The following FCN2 variants were observed in gnomAD, a reference collection of about 807,000 sequenced individuals.
FCN2 encodes the protein ficolin-2.
Under a neutral mutation model 32.5 loss-of-function variants are expected in FCN2, and 31 were observed. That is an observed-to-expected ratio of 0.96 (90% CI 0.72 to 1.29). The LOEUF (loss-of-function observed/expected upper bound fraction) is 1.29. Ranked by LOEUF, FCN2 falls within the 50% of genes most tolerant of loss-of-function variation. FCN2 has a pLI of 0.00. For missense variants in FCN2, 412 were observed against 406.5 expected (o/e 1.01, Z -0.12); for synonymous variants, 181 against 164.5 (o/e 1.10, Z -0.77).
At chr9:134,882,204 G>GCTCA (rs1830673909) in intron 1 of FCN2, among the ~76,000 whole-genome samples, 1 of 152,192 alleles carries the variant, frequency 6.6e-6, no homozygotes, top group Non-Finnish European at 1.5e-5. Flanking sequence ...AGGGGTTAAG[G>GCTCA]GACTTGTTTC....
At chr9:134,870,242 C>T in the FCN2 span, among the ~76,000 whole-genome samples, 12 of 152,312 alleles carry the variant, frequency 7.9e-5, no homozygotes, top group Middle Eastern at 0.01. This position sits in a 1 kb window ranked among gnomAD's most constrained non-coding sequence, Gnocchi z 4.3. Context: ...CAGGCCATTG[C>T]CCCCCGAGGC....
Position 134,886,288 on chromosome 9 carries a change from G to A in FCN2, c.560-142G>A, listed in dbSNP as rs1038058689. 4 of 967,212 alleles carry A rather than the reference G, an allele frequency of 4.1e-6. No individual in the cohort carries two copies. The Admixed American group carries it at 5.4e-5, about 13-fold the overall frequency. The allele number at this position is 967,212 out of a possible 1,614,324, so 59.9% of individuals were successfully genotyped here. The stretch of plus-strand genomic sequence containing the variant: ...CACCCTGCCGGGTCAGAGCTACACA[G>A]GCCCCGGGGATGCTGCGGTGCTCTC... On this transcript the variant is annotated intron_variant, in intron 6 of 7. Coordinates refer to ENST00000291744, the MANE Select transcript of FCN2 (RefSeq NM_004108.3).
In FCN2 at chr9:134,887,441, G is replaced by A. The variant is rs1371495109; in HGVS notation, c.*26G>A. The A allele has an allele frequency of 6.8e-6, 11 of 1,611,648 alleles. No individual in the cohort carries two copies. The highest frequency in any genetic ancestry group is 4.5e-5 in the East Asian group (2 of 44,858). On this transcript the variant is annotated 3_prime_UTR_variant, in exon 8 of 8. Coordinates refer to ENST00000291744, the MANE Select transcript of FCN2 (RefSeq NM_004108.3). The stretch of plus-strand genomic sequence containing the variant: ...CCCAGGCCGGCCTCAGGGTCAGGAC[G>A]CCTCCACACATAGTTGGTTGGGGGG...
At position 134,880,925 on chromosome 9, in the gene FCN2, A is replaced by T. The variant is rs1409410807; in HGVS notation, c.100+4A>T. On this transcript the variant is annotated splice_donor_region_variant and intron_variant, in intron 1 of 7. Coordinates refer to ENST00000291744, the MANE Select transcript of FCN2 (RefSeq NM_004108.3). The stretch of plus-strand genomic sequence containing the variant: ...CAGGCGGCAGACACCTGTCCAGGTA[A>T]GGGCACTCCAGGGCCTCCTCCTGGA... The T allele has an allele frequency of 1.3e-6, 2 of 1,599,478 alleles. No individual in the cohort carries two copies. Among genetic ancestry groups the T allele is most frequent in the Non-Finnish European group, 1.7e-6 (2 of 1,168,690 alleles).
the FCN2 span, among the ~76,000 whole-genome samples, chr9:134,865,386 C>T: frequency 6.3e-3 from 959 of 152,276 alleles, 4 homozygotes; most frequent in Non-Finnish European, 0.011. Context: ...TGAGCCTGCT[C>T]GTGGTGGACC....
At chr9:134,886,022 C>A in intron 6 of FCN2, 125 bp downstream of exon 6, 1 of 1,024,518 alleles carries the variant, frequency 9.8e-7, no homozygotes, top group Non-Finnish European at 1.4e-6. Context: ...TGAGCACACT[C>A]AGGGTGGCAC....
chr9:134,872,601 A>G, the FCN2 span, among the ~76,000 whole-genome samples: 9 of 152,192 alleles, frequency 5.9e-5, no homozygotes, highest in Non-Finnish European at 8.8e-5. Flanking sequence ...CAAAGGAGGA[A>G]CAAAGTCACG....
At chr9:134,883,393 C>T in intron 3 of FCN2, 38 bp downstream of exon 3, 1 of 1,567,280 alleles carries the variant, frequency 6.4e-7, no homozygotes, top group Non-Finnish European at 8.8e-7. Flanking sequence ...GCTTCAAGGC[C>T]CTTCCAGACC....
chr9:134,870,558 C>T, the FCN2 span, among the ~76,000 whole-genome samples: 12 of 152,096 alleles, frequency 7.9e-5, no homozygotes, highest in Non-Finnish European at 1.6e-4. This position sits in a 1 kb window ranked among gnomAD's most constrained non-coding sequence, Gnocchi z 4.3. Context: ...TCGGGGGGTG[C>T]CCTGGGTGCC....
upstream of FCN2, among the ~76,000 whole-genome samples, chr9:134,877,245 C>A (rs182657474): frequency 7.5e-4 from 114 of 152,248 alleles, 1 homozygote; most frequent in African/African-American, 2.6e-3. Context: ...TGACCTGAGA[C>A]CTTTCTTCCT....
At chr9:134,873,311 T>C in the FCN2 span, among the ~76,000 whole-genome samples, 1 of 152,186 alleles carries the variant, frequency 6.6e-6, no homozygotes, top group Non-Finnish European at 1.5e-5. Flanking sequence ...TAAAATCAAG[T>C]TGTTGATAGG....
Position 134,882,179 on chromosome 9 carries a change from G to A in FCN2, c.101-347G>A, listed in dbSNP as rs114756253. Among the ~76,000 whole-genome samples the A allele has an allele frequency of 4.9e-3, 741 of 152,336 alleles. 4 individuals carry two copies. Among genetic ancestry groups the A allele is most frequent in the African/African-American group, 0.017 (722 of 41,578 alleles). On this transcript the variant is annotated intron_variant, in intron 1 of 7. Coordinates refer to ENST00000291744, the MANE Select transcript of FCN2 (RefSeq NM_004108.3). ...GAACCTGCACCCCTCGGTAGGTAAG[G>A]GAACAGAGGCTCAGAGGGGTTAAGG...
At chr9:134,885,202 T>C (rs764314058) in intron 4 of FCN2, 37 bp from the exon 5 acceptor site, 44 of 1,613,590 alleles carry the variant, frequency 2.7e-5, no homozygotes, top group Admixed American at 2.3e-4. Context: ...TGCCCAGGGC[T>C]CCTGTCCTGC....
At chr9:134,885,180 C>T in intron 4 of FCN2, 59 bp from the exon 5 acceptor site, 1 of 1,611,250 alleles carries the variant, frequency 6.2e-7, no homozygotes. Flanking sequence ...CTCCCTCCTA[C>T]TGCCTGTGCC....
chr9:134,882,574 G>A lies in FCN2; in HGVS notation c.149G>A (p.Arg50Gln), dbSNP rs1483409100. 15 of 1,614,038 alleles carry A rather than the reference G, an allele frequency of 9.3e-6. No individual in the cohort carries two copies. Among genetic ancestry groups the A allele is most frequent in the South Asian group, 6.6e-5 (6 of 91,092 alleles). ...LEGSDKLTIL[R>Q]GCPGLPGAPG... ...GGCTCTGACAAGCTCACCATTCTCC[G>A]AGGCTGTCCGGGGCTGCCTGGGGCC... Residue 50 changes from arginine to glutamine, a missense_variant, in exon 2 of 8, where the codon CGA (arginine) becomes CAA (glutamine). By Grantham distance (43) the Arg-to-Gln change is conservative. Coordinates refer to ENST00000291744, the MANE Select transcript of FCN2 (RefSeq NM_004108.3).
At chr9:134,884,713 C>A (rs368306221) in intron 3 of FCN2, 27 bp from the exon 4 acceptor site, 2 of 1,612,624 alleles carry the variant, frequency 1.2e-6, no homozygotes, top group Non-Finnish European at 1.7e-6. Flanking sequence ...AACTGTGACA[C>A]GTGTGTCCTC....
intron 6 of FCN2, 113 bp downstream of exon 6, chr9:134,886,010 C>T: frequency 8.8e-7 from 1 of 1,137,470 alleles, no homozygotes; most frequent in East Asian, 2.5e-5. Context: ...GGGATTGGGC[C>T]CTGAGCACAC....
upstream of FCN2, among the ~76,000 whole-genome samples, chr9:134,878,682 A>C (rs1313234712): frequency 6.6e-6 from 1 of 152,080 alleles, no homozygotes; most frequent in Admixed American, 6.5e-5. Context: ...ATCTCTACTA[A>C]AAATACAAAA....
chr9:134,868,466 G>T, the FCN2 span: 1 of 177,616 alleles, frequency 5.6e-6, no homozygotes, highest in Admixed American at 5.7e-5. This position sits in a 1 kb window ranked among gnomAD's most constrained non-coding sequence, Gnocchi z 4.3. Flanking sequence ...TGAAGGTGCG[G>T]CCCACCTAGC....
Sources: gnomAD v4.1 joint callset for allele counts (sites outside exome capture counted in the v4.1 genomes callset) on GRCh38, gnomAD v4.1.1 for gene constraint, Gnocchi (gnomAD v3.1) non-coding constraint, MANE v1.5 for transcripts, NCBI Gene and HGNC (gene_info 2026-07-23, HGNC 2026-07-21) for gene names.